The following STOX2 variants were observed in gnomAD, a reference collection of about 807,000 sequenced individuals.
STOX2 encodes the protein storkhead box 2, also known as storkhead-box protein 2.
A neutral mutation model predicts 60.9 loss-of-function variants in STOX2; 28 were observed. The ratio of observed to expected loss-of-function variants is 0.46; its 90% CI spans 0.34 to 0.63. STOX2 has a LOEUF of 0.63. Among genes scored for constraint, STOX2 ranks in the 30% least tolerant of loss-of-function variants. The pLI, the probability that STOX2 is intolerant of heterozygous loss-of-function variation, is 0.01. For synonymous variants in STOX2, 472 were observed against 463.9 expected, an observed-to-expected ratio of 1.02 and a Z score of -0.22; for missense variants, 1,024 against 1,187.7, an observed-to-expected ratio of 0.86 and a Z score of 2.03.
intron 1 of STOX2, among the ~76,000 whole-genome samples, chr4:183,977,204 T>G (rs1348757767): frequency 1.3e-5 from 2 of 152,130 alleles, no homozygotes; most frequent in Admixed American, 1.3e-4. Flanking sequence ...GATCCCTCAC[T>G]TCCCTTCTAC....
At chr4:183,946,251 C>A (rs544961490) in intron 1 of STOX2, among the ~76,000 whole-genome samples, 1 of 152,278 alleles carries the variant, frequency 6.6e-6, no homozygotes, top group South Asian at 2.1e-4. Context: ...ATTTGCTGTG[C>A]GACTTCAGGC....
At chr4:183,877,842 G>A (rs1226717959) in intron 1 of STOX2, among the ~76,000 whole-genome samples, 1 of 151,940 alleles carries the variant, frequency 6.6e-6, no homozygotes, top group African/African-American at 2.4e-5. Flanking sequence ...CACCACACCT[G>A]ACTAATTTTT....
At chr4:183,914,393 G>A (rs567928039) in intron 1 of STOX2, among the ~76,000 whole-genome samples, 1 of 152,296 alleles carries the variant, frequency 6.6e-6, no homozygotes, top group Non-Finnish European at 1.5e-5. Context: ...AGCCGAGATT[G>A]TGCCACTGCA....
chr4:183,961,987 G>A (rs74570194), intron 1 of STOX2, among the ~76,000 whole-genome samples: 17,591 of 152,246 alleles, frequency 0.12, 1,335 homozygotes, highest in Non-Finnish European at 0.17. Context: ...AGCAGGGTGC[G>A]GTGACCCCAT....
At chr4:183,826,408 C>A (rs1739433114) in intron 1 of STOX2, among the ~76,000 whole-genome samples, 3 of 152,184 alleles carry the variant, frequency 2.0e-5, no homozygotes, top group African/African-American at 7.2e-5. Context: ...CTGGCTCCAG[C>A]GACTCCCTGT....
At chr4:183,984,531 C>A (rs900447100) in intron 1 of STOX2, among the ~76,000 whole-genome samples, 1 of 152,150 alleles carries the variant, frequency 6.6e-6, no homozygotes, top group East Asian at 1.9e-4. Flanking sequence ...AATTTAAATT[C>A]CTGAACTGAC....
intron 2 of STOX2, among the ~76,000 whole-genome samples, chr4:184,002,558 C>T (rs1733637645): frequency 6.6e-6 from 1 of 152,198 alleles, no homozygotes; most frequent in Non-Finnish European, 1.5e-5. Context: ...TAGTTCTGCT[C>T]CATCTGTACC....
chr4:183,927,341 A>T (rs1302759400), intron 1 of STOX2, among the ~76,000 whole-genome samples: 1 of 152,240 alleles, frequency 6.6e-6, no homozygotes, highest in Non-Finnish European at 1.5e-5. Context: ...TGAGGATCAA[A>T]TGCCTTCATC....
intron 1 of STOX2, among the ~76,000 whole-genome samples, chr4:183,861,405 A>G (rs17075098): frequency 5.5e-4 from 84 of 152,306 alleles, no homozygotes; most frequent in African/African-American, 2.0e-3. Context: ...TGTAATGTTC[A>G]TAGATACCCA....
chr4:184,002,300 G>A (rs1331367425), intron 2 of STOX2, among the ~76,000 whole-genome samples: 1 of 152,200 alleles, frequency 6.6e-6, no homozygotes, highest in Non-Finnish European at 1.5e-5. Flanking sequence ...AACTTGGTGT[G>A]GACTCAGCCT....
rs562747675 is a variant in STOX2 at position 183,836,881 on chromosome 4, T to G, written c.364+38826T>G. 1.3e-5 allele frequency among the ~76,000 whole-genome samples: 2 copies of G among 152,354 alleles called. No homozygotes were observed. The highest frequency in any genetic ancestry group is 2.9e-5 in the Non-Finnish European group (2 of 68,038). On this transcript the variant is annotated intron_variant, in intron 1 of 2. Coordinates refer to the STOX2 transcript ENST00000513034. The surrounding 1 kb of genome is among the most constrained non-coding windows in gnomAD (Gnocchi z 4.1). ...TTTGACTATACAGGTTTGGTACACC[T>G]TGGAATGGATTGTCTTTTCTGTCTT...
chr4:183,816,382 G>A (rs1459106701), intron 1 of STOX2, among the ~76,000 whole-genome samples: 1 of 152,206 alleles, frequency 6.6e-6, no homozygotes, highest in Non-Finnish European at 1.5e-5. Context: ...ATTATCCTAA[G>A]TAAATTAATG....
intron 1 of STOX2, among the ~76,000 whole-genome samples, chr4:183,911,918 TATAG>T (rs1408516781): frequency 6.6e-6 from 1 of 152,122 alleles, no homozygotes; most frequent in East Asian, 1.9e-4. Flanking sequence ...TTTGTGAGAG[TATAG>T]ATATAGTCTA....
intron 1 of STOX2, among the ~76,000 whole-genome samples, chr4:183,996,694 G>A (rs1317758874): frequency 6.6e-6 from 1 of 152,068 alleles, no homozygotes; most frequent in African/African-American, 2.4e-5. Context: ...TTAAATGCAT[G>A]TTCTAAACTT....
Position 184,011,592 on chromosome 4 carries a change from G to T in STOX2, c.2585+169G>T. ...GTTTCTGACTTCTTTTTCAGGAATTGAAAAAAATGTTTCTGCACCTGTAGA... is the reference window on the plus strand; with the variant it reads ...GTTTCTGACTTCTTTTTCAGGAATTTAAAAAAATGTTTCTGCACCTGTAGA... On this transcript the variant is annotated intron_variant, in intron 3 of 3. Coordinates refer to ENST00000308497, the MANE Select transcript of STOX2 (RefSeq NM_020225.3). This position sits in a 1 kb window ranked among gnomAD's most constrained non-coding sequence, Gnocchi z 4.4. The T allele has an allele frequency of 6.5e-7, 1 of 1,532,128 alleles. No homozygotes were observed. 94.9% of individuals were successfully genotyped at this position (1,532,128 alleles called of 1,614,324 possible). A position where few individuals can be genotyped will look rare whatever the true frequency, so the allele number is the denominator to read the frequency against.
At chr4:183,995,579 C>T (rs1401748823) in intron 1 of STOX2, among the ~76,000 whole-genome samples, 2 of 152,128 alleles carry the variant, frequency 1.3e-5, no homozygotes, top group Non-Finnish European at 1.5e-5. Flanking sequence ...AATCCAAGAG[C>T]AGGTTGGCGT....
At chr4:184,004,445 A>T (rs938518884) in intron 2 of STOX2, among the ~76,000 whole-genome samples, 10 of 152,084 alleles carry the variant, frequency 6.6e-5, no homozygotes, top group African/African-American at 2.4e-4. Flanking sequence ...TAAAAATACA[A>T]AAAAATTAGC....
At chr4:183,912,316 G>T (rs117370873) in intron 1 of STOX2, among the ~76,000 whole-genome samples, 10 of 152,206 alleles carry the variant, frequency 6.6e-5, no homozygotes, top group Non-Finnish European at 1.2e-4. Context: ...CATCCATCAC[G>T]CCTGTGGATG....
chr4:183,962,430 A>G (rs1408928138), intron 1 of STOX2, among the ~76,000 whole-genome samples: 1 of 152,188 alleles, frequency 6.6e-6, no homozygotes, highest in East Asian at 1.9e-4. Context: ...GTCATTTTAA[A>G]GCATCTAACA....
Sources: allele counts gnomAD v4.1 joint callset (sites outside exome capture counted in the v4.1 genomes callset), GRCh38; gene constraint gnomAD v4.1.1; non-coding constraint Gnocchi (gnomAD v3.1); transcripts MANE v1.5; gene names NCBI Gene and HGNC (gene_info 2026-07-23, HGNC 2026-07-21).